DRC1: variants seen among roughly 807,000 people sequenced by gnomAD.
The protein encoded by DRC1 is dynein regulatory complex protein 1.
DRC1 carries 74 observed loss-of-function variants against 98.7 expected under a neutral mutation model. That is an observed-to-expected ratio of 0.75 (90% CI 0.62 to 0.91). DRC1 has a LOEUF of 0.91. Among genes scored for constraint, DRC1 ranks in the 40% least tolerant of loss-of-function variants. The pLI, the probability that DRC1 is intolerant of heterozygous loss-of-function variation, is 0.00. For missense variants in DRC1, 875 were observed against 886.0 expected, an observed-to-expected ratio of 0.99 and a Z score of 0.16; for synonymous variants, 336 against 334.1, an observed-to-expected ratio of 1.01 and a Z score of -0.06.
At chr2:26,429,512 G>T (rs2147990672) in intron 4 of DRC1, 116 bp from the exon 5 acceptor site, 1 of 1,388,508 alleles carries the variant, frequency 7.2e-7, no homozygotes, top group African/African-American at 1.4e-5. Context: ...AGCCCTCTTT[G>T]TACAGTTTCA....
chr2:26,448,161 G>T (rs1663906533), intron 10 of DRC1: 2 of 268,022 alleles, frequency 7.5e-6, no homozygotes, highest in Non-Finnish European at 1.5e-5. Flanking sequence ...GGAGGCGGAG[G>T]TTGCAGTGAG....
At chr2:26,445,806 G>A (rs980903372) in intron 10 of DRC1, among the ~76,000 whole-genome samples, 5 of 151,488 alleles carry the variant, frequency 3.3e-5, no homozygotes, top group Admixed American at 6.6e-5. Context: ...CTACAGGTGC[G>A]CACTGCCACA....
Position 26,450,663 on chromosome 2 carries a change from T to G in DRC1, c.1671T>G (p.Arg557=), listed in dbSNP as rs754827354. The G allele has an allele frequency of 6.2e-7, 1 of 1,605,628 alleles. No individual in the cohort carries two copies. Among genetic ancestry groups the G allele is most frequent in the South Asian group, 1.1e-5 (1 of 90,384 alleles). The stretch of plus-strand genomic sequence containing the variant: ...TCTTCCTTAAATATCGAGCTCACCG[T>G]TTATCTTCCAGCCTCCAGGTAAGGC... ...VNFFLKYRAH[R]LSSSLQIKPC... Residue 557 remains arginine, a synonymous_variant, in exon 13 of 17, where the codon CGT becomes CGG. Transcript: ENST00000288710.
In DRC1 at chr2:26,448,815, C is replaced by A; in HGVS notation, c.1509+12C>A. ...TGTGTGACGAGTCGGTGAGGCCAGG[C>A]GGGGGCTGCAGCAGAGGGACTCACG... On this transcript the variant is annotated intron_variant, in intron 11 of 16. Transcript: ENST00000288710. The A allele has an allele frequency of 6.2e-7, 1 of 1,612,736 alleles. No individual in the cohort carries two copies. The highest frequency in any genetic ancestry group is 8.5e-7 in the Non-Finnish European group (1 of 1,179,010).
chr2:26,448,545 CAT>C (rs1291739533), intron 10 of DRC1, 144 bp from the exon 11 acceptor site: 13 of 855,818 alleles, frequency 1.5e-5, no homozygotes, highest in Admixed American at 2.1e-5. Flanking sequence ...CTTTTTTCAT[CAT>C]AAAGAGACTG....
intron 1 of DRC1, among the ~76,000 whole-genome samples, chr2:26,406,641 G>A (rs2147975509): frequency 6.6e-6 from 1 of 152,146 alleles, no homozygotes; most frequent in Middle Eastern, 3.4e-3. Flanking sequence ...AACACCGGGA[G>A]GTGGAGGTTA....
chr2:26,410,870 C>G (rs1205080174), intron 1 of DRC1, among the ~76,000 whole-genome samples: 1 of 152,020 alleles, frequency 6.6e-6, no homozygotes. Flanking sequence ...ATATAAAAAA[C>G]AAAAATATGG....
At chr2:26,455,820 A>G (rs1664145049) in intron 16 of DRC1, among the ~76,000 whole-genome samples, 1 of 152,186 alleles carries the variant, frequency 6.6e-6, no homozygotes, top group South Asian at 2.1e-4. Flanking sequence ...CAACTTCCCC[A>G]TGGCCTGGCA....
At chr2:26,413,028 C>T (rs1339567300) in intron 1 of DRC1, among the ~76,000 whole-genome samples, 7 of 152,186 alleles carry the variant, frequency 4.6e-5, no homozygotes, top group African/African-American at 1.2e-4. Flanking sequence ...GCGATCCACC[C>T]GCCTCGGCCT....
intron 4 of DRC1, among the ~76,000 whole-genome samples, chr2:26,425,170 G>T (rs1218091490): frequency 1.3e-5 from 2 of 152,152 alleles, no homozygotes; most frequent in Non-Finnish European, 2.9e-5. Flanking sequence ...TCCTGTGAGT[G>T]AAATCATACA....
chr2:26,417,929 T>G (rs1024150902), intron 2 of DRC1, among the ~76,000 whole-genome samples: 3 of 152,224 alleles, frequency 2.0e-5, no homozygotes, highest in African/African-American at 7.2e-5. Context: ...AATCATATCA[T>G]CTGAAAATAA....
intron 1 of DRC1, among the ~76,000 whole-genome samples, chr2:26,412,460 A>C (rs10179397): frequency 0.89 from 135,163 of 152,164 alleles, 60,960 homozygotes; most frequent in Middle Eastern, 0.95. Context: ...GCCCTTATGG[A>C]CACTGTGTGC....
Position 26,401,985 on chromosome 2 carries a change from C to T in DRC1, c.-5C>T. 6.3e-7 allele frequency: 1 copy of T among 1,598,830 alleles called. No homozygotes were observed. Among genetic ancestry groups the T allele is most frequent in the Non-Finnish European group, 8.5e-7 (1 of 1,173,098 alleles). ...GGAGCCGCCTAGGGACCAGGGACTC[C>T]TGCCATGAATCCGCCGGGGTCCCTA... On this transcript the variant is annotated 5_prime_UTR_variant, in exon 1 of 17. Coordinates refer to ENST00000288710, the MANE Select transcript of DRC1 (RefSeq NM_145038.5).
At chr2:26,436,788 C>G (rs879277361) in intron 7 of DRC1, among the ~76,000 whole-genome samples, 1 of 152,142 alleles carries the variant, frequency 6.6e-6, no homozygotes, top group Non-Finnish European at 1.5e-5. Flanking sequence ...GGGATTATTG[C>G]AAGGCCAGGA....
intron 10 of DRC1, among the ~76,000 whole-genome samples, chr2:26,446,956 GGC>G (rs1353479895): frequency 3.9e-5 from 6 of 152,218 alleles, no homozygotes. Flanking sequence ...AGCCGGTCAT[GGC>G]GTGCGCCTGT....
At chr2:26,430,906 G>A (rs1663418289) in intron 6 of DRC1, 34 bp downstream of exon 6, 2 of 1,572,570 alleles carry the variant, frequency 1.3e-6, no homozygotes, top group African/African-American at 1.4e-5. Flanking sequence ...GTGATCCGTG[G>A]GGTCTGGGTG....
At chr2:26,437,433 TC>T (rs1365847136) in intron 7 of DRC1, among the ~76,000 whole-genome samples, 1 of 152,220 alleles carries the variant, frequency 6.6e-6, no homozygotes, top group African/African-American at 2.4e-5. Flanking sequence ...TGCCCCAGGT[TC>T]CCTCCGCAAG....
At chr2:26,450,494 C>A in intron 12 of DRC1, 98 bp from the exon 13 acceptor site, 1 of 1,113,338 alleles carries the variant, frequency 9.0e-7, no homozygotes, top group Non-Finnish European at 1.3e-6. Flanking sequence ...CCTCCACAAG[C>A]CAAGCCTCCC....
chr2:26,444,387 G>T, intron 9 of DRC1, 31 bp downstream of exon 9: 1 of 1,606,936 alleles, frequency 6.2e-7, no homozygotes, highest in Non-Finnish European at 8.5e-7. Flanking sequence ...TAAGGCACTT[G>T]TCCTAGCATA....
Sources: gnomAD v4.1 joint callset for allele counts (sites outside exome capture counted in the v4.1 genomes callset) on GRCh38, gnomAD v4.1.1 for gene constraint, MANE v1.5 for transcripts, NCBI Gene and HGNC (gene_info 2026-07-23, HGNC 2026-07-21) for gene names.